The following KSR2 variants were observed in gnomAD, a reference collection of about 807,000 sequenced individuals.
The protein encoded by KSR2 is kinase suppressor of ras 2.
Under a neutral mutation model 107.8 loss-of-function variants are expected in KSR2, and 25 were observed. That is an observed-to-expected ratio of 0.23 (90% confidence interval 0.17 to 0.32). The LOEUF (loss-of-function observed/expected upper bound fraction) is 0.32, where lower values mean the gene tolerates loss of function less well. Ranked by LOEUF, KSR2 falls within the 10% of genes least tolerant of loss-of-function variation. KSR2 has a pLI of 1.00. For missense variants in KSR2, 887 were observed against 1,268.9 expected (o/e 0.70, Z 4.57); for synonymous variants, 480 against 507.0 (o/e 0.95, Z 0.71).
chr12:117,738,446 A>G (rs373908631), intron 4 of KSR2, among the ~76,000 whole-genome samples: 53 of 152,300 alleles, frequency 3.5e-4, no homozygotes, highest in African/African-American at 1.2e-3. Context: ...GGTGTAGCCT[A>G]TTGCTCCTGG....
At chr12:117,651,464 G>T (rs1321698487) in intron 5 of KSR2, among the ~76,000 whole-genome samples, 1 of 152,200 alleles carries the variant, frequency 6.6e-6, no homozygotes, top group Non-Finnish European at 1.5e-5. Context: ...CATGGGAATG[G>T]ATATTAAGGG....
At chr12:117,484,121 G>A (rs1420356480) in intron 16 of KSR2, among the ~76,000 whole-genome samples, 1 of 152,166 alleles carries the variant, frequency 6.6e-6, no homozygotes, top group Non-Finnish European at 1.5e-5. Flanking sequence ...AATTACTTAG[G>A]GTTAGAGGAG....
At chr12:117,588,762 C>T (rs1358061086) in intron 5 of KSR2, among the ~76,000 whole-genome samples, 1 of 152,172 alleles carries the variant, frequency 6.6e-6, no homozygotes, top group Non-Finnish European at 1.5e-5. Context: ...TGGGATGTGA[C>T]CTGCTGTGTG....
intron 8 of KSR2, among the ~76,000 whole-genome samples, chr12:117,556,553 C>T (rs1426960122): frequency 1.3e-5 from 2 of 152,182 alleles, no homozygotes; most frequent in Non-Finnish European, 2.9e-5. Context: ...GTGCAACGAT[C>T]ATCGAAAACC....
intron 9 of KSR2, among the ~76,000 whole-genome samples, chr12:117,551,634 G>C (rs1877318116): frequency 6.6e-6 from 1 of 151,922 alleles, no homozygotes. Context: ...AACTAGACAG[G>C]AGACAAGACA....
chr12:117,631,133 A>G (rs1258338662), intron 5 of KSR2, among the ~76,000 whole-genome samples: 1 of 152,132 alleles, frequency 6.6e-6, no homozygotes, highest in African/African-American at 2.4e-5. Context: ...CTCTGTCTCT[A>G]CAAGAAAACT....
intron 1 of KSR2, among the ~76,000 whole-genome samples, chr12:117,944,354 C>G (rs1896110269): frequency 6.6e-6 from 1 of 152,140 alleles, no homozygotes; most frequent in Non-Finnish European, 1.5e-5. Context: ...CCAGCCTGGG[C>G]AACAAGAGCA....
intron 5 of KSR2, among the ~76,000 whole-genome samples, chr12:117,654,144 G>A (rs1884021661): frequency 6.6e-6 from 1 of 152,180 alleles, no homozygotes; most frequent in Non-Finnish European, 1.5e-5. Context: ...AATGTGACCT[G>A]AACTGCCTAT....
intron 2 of KSR2, 113 bp downstream of exon 2, chr12:117,860,175 CCTG>C (rs1893240577): frequency 9.8e-7 from 1 of 1,021,116 alleles, no homozygotes; most frequent in African/African-American, 1.6e-5. Flanking sequence ...TTATTGAGAG[CCTG>C]CTATGTGCCA....
chr12:117,621,439 G>A (rs1882190027), intron 5 of KSR2, among the ~76,000 whole-genome samples: 1 of 152,178 alleles, frequency 6.6e-6, no homozygotes, highest in South Asian at 2.1e-4. Flanking sequence ...CGACTTACTA[G>A]CTGCATTCAC....
chr12:117,796,254 T>C (rs1324819717), intron 3 of KSR2, among the ~76,000 whole-genome samples: 1 of 152,172 alleles, frequency 6.6e-6, no homozygotes, highest in Non-Finnish European at 1.5e-5. Flanking sequence ...ATACAAGCAT[T>C]GTCTCTTACT....
At chr12:117,505,480 C>T (rs1440600831) in intron 14 of KSR2, among the ~76,000 whole-genome samples, 3 of 152,204 alleles carry the variant, frequency 2.0e-5, no homozygotes, top group Non-Finnish European at 4.4e-5. Flanking sequence ...CTGTTGCTTA[C>T]ACCCATGGAA....
intron 4 of KSR2, among the ~76,000 whole-genome samples, chr12:117,753,756 A>G (rs1176691847): frequency 6.6e-6 from 1 of 151,826 alleles, no homozygotes; most frequent in Non-Finnish European, 1.5e-5. Context: ...ACAAACTCCC[A>G]TGACACAAGT....
Position 117,968,374 on chromosome 12 carries a change from T to A in KSR2, c.-119A>T. Reference sequence around the variant, plus strand: ...ACTGCGACTTCTCAACAATGTCTCATGAAGAAGAAATCCAACATCTCACAC... The same window carrying A: ...ACTGCGACTTCTCAACAATGTCTCAAGAAGAAGAAATCCAACATCTCACAC... On this transcript the variant is annotated 5_prime_UTR_variant, in exon 1 of 20. The change abolishes an upstream ATG in the 5' untranslated region. Coordinates refer to ENST00000339824, the MANE Select transcript of KSR2 (RefSeq NM_173598.6). 12 of 1,384,850 alleles carry A rather than the reference T, an allele frequency of 8.7e-6. No homozygotes were observed. The highest frequency in any genetic ancestry group is 1.1e-5 in the Non-Finnish European group (12 of 1,076,698). The allele number at this position is 1,384,850 out of a possible 1,614,324, so 85.8% of individuals were successfully genotyped here.
At chr12:117,608,330 T>C (rs1881405309) in intron 5 of KSR2, among the ~76,000 whole-genome samples, 1 of 152,156 alleles carries the variant, frequency 6.6e-6, no homozygotes, top group Admixed American at 6.5e-5. Flanking sequence ...AGAAAAAATA[T>C]CCACTGAACA....
chr12:117,525,329 T>A, intron 13 of KSR2, 110 bp from the exon 14 acceptor site: 2 of 1,250,266 alleles, frequency 1.6e-6, no homozygotes, highest in Admixed American at 2.9e-5. Flanking sequence ...CATCTCTACA[T>A]GCATTTGGAG....
chr12:117,967,901 A>C (rs1566104693), intron 1 of KSR2, among the ~76,000 whole-genome samples, 175 bp downstream of exon 1: 1 of 152,084 alleles, frequency 6.6e-6, no homozygotes, highest in African/African-American at 2.4e-5. Flanking sequence ...CAGGCTTTGC[A>C]AGGAGAGAAA....
chr12:117,677,820 C>T (rs1051940786), intron 4 of KSR2, among the ~76,000 whole-genome samples: 16 of 152,170 alleles, frequency 1.1e-4, no homozygotes, highest in South Asian at 4.1e-4. Context: ...AAATGTCTGA[C>T]GCACAGTGTG....
At chr12:117,834,864 T>G (rs1892134153) in intron 3 of KSR2, among the ~76,000 whole-genome samples, 1 of 152,212 alleles carries the variant, frequency 6.6e-6, no homozygotes, top group Non-Finnish European at 1.5e-5. Context: ...GAATTAATTT[T>G]TTTATGTTCA....
Sources: gnomAD v4.1 joint callset for allele counts (sites outside exome capture counted in the v4.1 genomes callset) on GRCh38, gnomAD v4.1.1 for gene constraint, MANE v1.5 for transcripts, NCBI Gene and HGNC (gene_info 2026-07-23, HGNC 2026-07-21) for gene names.